JAK1: variants seen among roughly 807,000 people sequenced by gnomAD.
JAK1 encodes the protein Janus kinase 1, also known as tyrosine-protein kinase JAK1.
A neutral mutation model predicts 136.6 loss-of-function variants in JAK1; 16 were observed. That is an observed-to-expected ratio of 0.12 (90% CI 0.08 to 0.18). The LOEUF (loss-of-function observed/expected upper bound fraction) is 0.18, where lower values mean the gene tolerates loss of function less well. Among genes scored for constraint, JAK1 ranks in the 10% least tolerant of loss-of-function variants. JAK1 has a pLI of 1.00. For missense variants in JAK1, 859 were observed against 1,450.1 expected (o/e 0.59, Z 6.62); for synonymous variants, 492 against 519.5 (o/e 0.95, Z 0.72).
At chr1:64,836,723 T>G (rs1168979913) in intron 22 of JAK1, among the ~76,000 whole-genome samples, 1 of 152,178 alleles carries the variant, frequency 6.6e-6, no homozygotes, top group African/African-American at 2.4e-5. Flanking sequence ...CAAACCCTAC[T>G]GTCACTCTCC....
chr1:64,845,117 G>A (rs1416760895), intron 15 of JAK1, among the ~76,000 whole-genome samples: 5 of 152,112 alleles, frequency 3.3e-5, no homozygotes, highest in Non-Finnish European at 7.4e-5. Context: ...ATTGGGCTTC[G>A]TGAGCATGAT....
At chr1:64,946,581 T>C (rs10789168) in intron 1 of JAK1, among the ~76,000 whole-genome samples, 149,017 of 152,344 alleles carry the variant, frequency 0.98, 72,948 homozygotes, top group East Asian at 1. Context: ...TGAGAAGGTG[T>C]TTGTTGAATA....
intron 1 of JAK1, among the ~76,000 whole-genome samples, chr1:64,951,264 T>C (rs1014834386): frequency 2.6e-5 from 4 of 152,212 alleles, no homozygotes; most frequent in Non-Finnish European, 5.9e-5. Flanking sequence ...GAGTCTCAAT[T>C]CGACCTAGCA....
intron 1 of JAK1, among the ~76,000 whole-genome samples, chr1:64,946,752 TATTTGCAAACCCATGTTCATAGAA>T (rs35734597): frequency 0.25 from 38,316 of 152,010 alleles, 6,304 homozygotes; most frequent in East Asian, 0.53. Context: ...CTCAACGAGA[TATTTGCAAACCCATGTTCATAGAA>T]ATATCATTCA....
At chr1:65,007,644 G>C (rs983207994) in intron 2 of JAK1, among the ~76,000 whole-genome samples, 63 of 152,074 alleles carry the variant, frequency 4.1e-4, no homozygotes, top group African/African-American at 1.5e-3. Flanking sequence ...TGTATTTTTA[G>C]TAGAGACAGG....
intron 1 of JAK1, among the ~76,000 whole-genome samples, chr1:64,891,897 C>T (rs1644943203): frequency 1.3e-5 from 2 of 152,244 alleles, no homozygotes; most frequent in African/African-American, 4.8e-5. Flanking sequence ...GTAAGTGCTG[C>T]TTCATTTACA....
At chr1:64,960,095 C>T (rs1443491959) in intron 1 of JAK1, among the ~76,000 whole-genome samples, 1 of 152,046 alleles carries the variant, frequency 6.6e-6, no homozygotes, top group Non-Finnish European at 1.5e-5. Context: ...GGTATTGTGG[C>T]ACATGTCTGT....
In JAK1 at chr1:64,998,441, A is replaced by G. The variant is rs566533160; in HGVS notation, c.-78+46039T>C. On this transcript the variant is annotated intron_variant, in intron 2 of 25. Transcript: ENST00000671954. ...AGTTTACAAAAGGCTTTCACATACT[A>G]AAATCTATGTAACATGTTTTTAGAC... Among the ~76,000 whole-genome samples the G allele has an allele frequency of 3.9e-5, 6 of 152,372 alleles. No individual in the cohort carries two copies. The East Asian group carries it at 9.6e-4, about 24-fold the overall frequency.
At chr1:65,046,084 A>G (rs79497697) in intron 1 of JAK1, among the ~76,000 whole-genome samples, 2,246 of 152,340 alleles carry the variant, frequency 0.015, 63 homozygotes, top group African/African-American at 0.052. Context: ...CTCTTTTAAG[A>G]ACTGTCTTGG....
intron 19 of JAK1, among the ~76,000 whole-genome samples, chr1:64,840,351 G>A (rs991907733): frequency 6.6e-6 from 1 of 152,172 alleles, no homozygotes; most frequent in Non-Finnish European, 1.5e-5. Flanking sequence ...TGGCACAGTG[G>A]CTGGCACACA....
intron 1 of JAK1, among the ~76,000 whole-genome samples, chr1:64,936,822 T>C (rs1645797454): frequency 6.6e-6 from 1 of 152,212 alleles, no homozygotes; most frequent in Non-Finnish European, 1.5e-5. Flanking sequence ...AAACATGGTA[T>C]CCCACGTTGG....
At chr1:64,885,752 CAAA>C (rs1223124394) in intron 2 of JAK1, among the ~76,000 whole-genome samples, 1 of 126,262 alleles carries the variant, frequency 7.9e-6, no homozygotes, top group Admixed American at 8.1e-5. Context: ...GAGTCCGACT[CAAA>C]AAAAAAAAAG....
intron 1 of JAK1, among the ~76,000 whole-genome samples, chr1:64,961,608 A>C (rs1263543481): frequency 1.3e-5 from 2 of 151,928 alleles, no homozygotes; most frequent in Admixed American, 6.6e-5. Flanking sequence ...TCTTTGCTCT[A>C]ATCTAGTGGC....
intron 12 of JAK1, among the ~76,000 whole-genome samples, chr1:64,849,548 T>A (rs1335342216): frequency 6.6e-6 from 1 of 152,216 alleles, no homozygotes; most frequent in Admixed American, 6.5e-5. Context: ...GGAAGCTATC[T>A]CCGTCCTCTC....
intron 2 of JAK1, among the ~76,000 whole-genome samples, chr1:65,032,803 G>A (rs941177031): frequency 2.0e-4 from 30 of 152,148 alleles, no homozygotes; most frequent in African/African-American, 7.2e-4. Context: ...GCCCACCAGT[G>A]TTATGGGGCA....
At chr1:64,953,777 A>G (rs1166486806) in intron 1 of JAK1, among the ~76,000 whole-genome samples, 1 of 152,084 alleles carries the variant, frequency 6.6e-6, no homozygotes, top group Non-Finnish European at 1.5e-5. Flanking sequence ...CTCCCGCCTC[A>G]GCCTCCTGAG....
upstream of JAK1, among the ~76,000 whole-genome samples, chr1:64,966,954 A>G (rs565877809): frequency 6.6e-6 from 1 of 152,104 alleles, no homozygotes; most frequent in East Asian, 1.9e-4. Flanking sequence ...GCTCAGTAGG[A>G]GAGGAGCTAG....
intron 1 of JAK1, among the ~76,000 whole-genome samples, chr1:64,896,043 T>C (rs1235845585): frequency 1.3e-5 from 2 of 152,238 alleles, no homozygotes; most frequent in Non-Finnish European, 2.9e-5. Context: ...GAGATTTAGA[T>C]GGTAGATGGG....
At chr1:65,047,675 C>T (rs1045731370) in intron 1 of JAK1, among the ~76,000 whole-genome samples, 9 of 151,560 alleles carry the variant, frequency 5.9e-5, no homozygotes, top group South Asian at 2.1e-4. Flanking sequence ...GCCGAGATCA[C>T]GCCACTGCAC....
Sources: gnomAD v4.1 joint callset for allele counts (sites outside exome capture counted in the v4.1 genomes callset) on GRCh38, gnomAD v4.1.1 for gene constraint, MANE v1.5 for transcripts, NCBI Gene and HGNC (gene_info 2026-07-23, HGNC 2026-07-21) for gene names.